The following PPHLN1 variants were observed in gnomAD, a reference collection of about 807,000 sequenced individuals.
PPHLN1 encodes periphilin-1.
PPHLN1 carries 29 observed loss-of-function variants against 51.3 expected under a neutral mutation model. The ratio of observed to expected loss-of-function variants is 0.57; its 90% CI spans 0.42 to 0.77. PPHLN1 has a LOEUF of 0.77. Among genes scored for constraint, PPHLN1 ranks in the 30% least tolerant of loss-of-function variants. The probability of loss-of-function intolerance (pLI) is 0.00; values close to 1 mark genes in which losing one functional copy is unlikely to be tolerated. For missense variants in PPHLN1, 436 were observed against 438.4 expected (o/e 0.99, Z 0.05); for synonymous variants, 147 against 147.8 (o/e 0.99, Z 0.04).
rs541090270 is a variant in PPHLN1 at position 42,390,999 on chromosome 12, C to T, written c.649-2571C>T. ...AAATCTTAAAATGGAATCAAAATATCACAATTTTAGATCCATAGTTATTTT... is the reference window on the plus strand; with the variant it reads ...AAATCTTAAAATGGAATCAAAATATTACAATTTTAGATCCATAGTTATTTT... On this transcript the variant is annotated intron_variant, in intron 7 of 9. Transcript: ENST00000358314. 8.6e-5 allele frequency among the ~76,000 whole-genome samples: 13 copies of T among 152,046 alleles called. 1 individual carries two copies. In the South Asian group the frequency reaches 2.7e-3, roughly 32 times the overall value.
chr12:42,345,195 T>C (rs2072119821), intron 2 of PPHLN1, among the ~76,000 whole-genome samples: 1 of 152,180 alleles, frequency 6.6e-6, no homozygotes, highest in Non-Finnish European at 1.5e-5. Context: ...GGTATTTTAT[T>C]CTGACCAGAT....
chr12:42,354,260 C>T (rs542696366), intron 3 of PPHLN1, among the ~76,000 whole-genome samples: 1 of 152,148 alleles, frequency 6.6e-6, no homozygotes, highest in Admixed American at 6.5e-5. Flanking sequence ...ATTCTGTTGC[C>T]CAGGCTGGAG....
rs2076116780 is a variant in PPHLN1 at position 42,374,843 on chromosome 12, TG to T, written c.300-19del. 2 of 1,394,328 alleles carry T rather than the reference TG, an allele frequency of 1.4e-6. No homozygotes were observed. Among genetic ancestry groups the T allele is most frequent in the African/African-American group, 3.3e-5 (2 of 60,868 alleles). The allele number at this position is 1,394,328 out of a possible 1,614,324, so 86.4% of individuals were successfully genotyped here. On this transcript the variant is annotated intron_variant, in intron 4 of 9. Transcript: ENST00000358314. ...GATAGAGTATAATTAACTTATTTTA[TG>T]TTTTTTTTTTTTTCAAAGGGACATG...
downstream of PPHLN1, chr12:42,442,857 C>A: frequency 6.7e-7 from 1 of 1,488,128 alleles, no homozygotes; most frequent in Non-Finnish European, 9.0e-7. Flanking sequence ...AGTATTGAAA[C>A]AACTGCTTAA....
intron 3 of PPHLN1, among the ~76,000 whole-genome samples, chr12:42,352,625 G>T (rs987823677): frequency 1.3e-5 from 2 of 151,658 alleles, no homozygotes; most frequent in African/African-American, 4.8e-5. Context: ...GGCCAGGCTG[G>T]TCTTGAACTC....
At chr12:42,342,919 A>C (rs975869393) in intron 2 of PPHLN1, among the ~76,000 whole-genome samples, 4 of 152,144 alleles carry the variant, frequency 2.6e-5, no homozygotes, top group Admixed American at 1.3e-4. Flanking sequence ...CTTTTTTATA[A>C]TTCTTGTCAT....
downstream of PPHLN1, chr12:42,442,878 G>C: frequency 7.2e-7 from 1 of 1,383,810 alleles, no homozygotes; most frequent in South Asian, 1.5e-5. Flanking sequence ...AGCTAGCAGA[G>C]CCTCGGTTTC....
chr12:42,404,844 A>G (rs1046631995), intron 9 of PPHLN1, among the ~76,000 whole-genome samples: 2 of 152,160 alleles, frequency 1.3e-5, no homozygotes, highest in Admixed American at 6.5e-5. Context: ...CCTCACCAAC[A>G]TGGTGAAACC....
At chr12:42,334,035 TA>T (rs1297957544) in intron 1 of PPHLN1, among the ~76,000 whole-genome samples, 2 of 152,210 alleles carry the variant, frequency 1.3e-5, no homozygotes, top group South Asian at 4.1e-4. Flanking sequence ...GATTTGACTT[TA>T]CTTCATTGCT....
chr12:42,442,853 G>A (rs2083077493), downstream of PPHLN1: 1 of 1,503,028 alleles, frequency 6.7e-7, no homozygotes. Context: ...TAAAAGTATT[G>A]AAACAACTGC....
At chr12:42,373,617 G>A (rs942019677) in intron 4 of PPHLN1, among the ~76,000 whole-genome samples, 1 of 152,114 alleles carries the variant, frequency 6.6e-6, no homozygotes, top group East Asian at 1.9e-4. Context: ...TTAAATCATG[G>A]ATTAAAACCT....
chr12:42,343,833 T>C (rs61471584), intron 2 of PPHLN1: 68,039 of 428,782 alleles, frequency 0.16, 5,643 homozygotes, highest in Admixed American at 0.21. Flanking sequence ...TACCAGTTTT[T>C]ATGTTTTTGA....
In PPHLN1 at chr12:42,441,340, T is replaced by G. The variant is rs748073395; in HGVS notation, c.935T>G (p.Phe312Cys). Residue 312 changes from phenylalanine to cysteine, a missense_variant, in exon 10 of 10, where the codon TTC (phenylalanine) becomes TGC (cysteine). Coordinates refer to ENST00000358314, the MANE Select transcript of PPHLN1 (RefSeq NM_201439.2). The part of the protein sequence containing the change: ...EQVYRQDCET[F>C]GMVVKMLIEK... ...GTTTACCGACAAGACTGTGAAACTT[T>G]CGGGATGGTGGTGAAAATGCTGATT... The G allele has an allele frequency of 6.2e-7, 1 of 1,612,858 alleles. No individual in the cohort carries two copies. Among genetic ancestry groups the G allele is most frequent in the Non-Finnish European group, 8.5e-7 (1 of 1,179,214 alleles).
intron 4 of PPHLN1, chr12:42,361,492 A>C (rs1484690565): frequency 2.0e-5 from 3 of 152,128 alleles, no homozygotes; most frequent in Non-Finnish European, 2.9e-5. Context: ...CCCTTAAAAC[A>C]GACAAAATTT....
chr12:42,437,719 C>G (rs955414965), intron 9 of PPHLN1, among the ~76,000 whole-genome samples: 4 of 152,156 alleles, frequency 2.6e-5, no homozygotes, highest in Admixed American at 6.5e-5. Flanking sequence ...AGGATTCACT[C>G]TTTGTCTCCT....
chr12:42,353,957 A>G (rs1045562311), intron 3 of PPHLN1, among the ~76,000 whole-genome samples: 3 of 152,200 alleles, frequency 2.0e-5, no homozygotes, highest in Non-Finnish European at 4.4e-5. Context: ...AACAACAAGC[A>G]TACTTGTGAT....
At chr12:42,421,026 C>T (rs1454954056) in intron 9 of PPHLN1, among the ~76,000 whole-genome samples, 2 of 151,974 alleles carry the variant, frequency 1.3e-5, no homozygotes, top group African/African-American at 4.8e-5. Context: ...TCCTTTTGAA[C>T]AGATTTATTC....
chr12:42,374,598 GC>G (rs71434402), intron 4 of PPHLN1: 2 of 270,250 alleles, frequency 7.4e-6, no homozygotes, highest in African/African-American at 4.8e-5. Flanking sequence ...CTGCCACCAC[GC>G]CCAGCTAATT....
At chr12:42,418,715 G>T (rs1364616074) in intron 9 of PPHLN1, among the ~76,000 whole-genome samples, 1 of 152,056 alleles carries the variant, frequency 6.6e-6, no homozygotes, top group East Asian at 1.9e-4. Context: ...AATCTAAGTA[G>T]TTCTCCATCA....
Sources: allele counts gnomAD v4.1 joint callset (sites outside exome capture counted in the v4.1 genomes callset), GRCh38; gene constraint gnomAD v4.1.1; transcripts MANE v1.5; gene names NCBI Gene and HGNC (gene_info 2026-07-23, HGNC 2026-07-21).